DLGAP1: variants seen among roughly 807,000 people sequenced by gnomAD.
The protein encoded by DLGAP1 is DLG associated protein 1.
Under a neutral mutation model 90.8 loss-of-function variants are expected in DLGAP1, and 11 were observed. The ratio of observed to expected loss-of-function variants is 0.12; its 90% CI spans 0.08 to 0.20. The LOEUF is 0.20. Ranked by LOEUF, DLGAP1 falls within the 10% of genes least tolerant of loss-of-function variation. The pLI, the probability that DLGAP1 is intolerant of heterozygous loss-of-function variation, is 1.00. For synonymous variants in DLGAP1, 558 were observed against 540.7 expected (o/e 1.03, Z -0.44); for missense variants, 1,050 against 1,333.8 (o/e 0.79, Z 3.31).
intron 7 of DLGAP1, among the ~76,000 whole-genome samples, chr18:3,684,452 A>C (rs1365879690): frequency 6.7e-6 from 1 of 148,580 alleles, no homozygotes; most frequent in East Asian, 2.0e-4. Context: ...CTCCTGCCTC[A>C]GCCTCCCAAA....
chr18:3,876,438 T>C (rs2071006923), intron 4 of DLGAP1, among the ~76,000 whole-genome samples: 1 of 152,218 alleles, frequency 6.6e-6, no homozygotes, highest in Non-Finnish European at 1.5e-5. Context: ...AGAAGCTTAA[T>C]ACATTCAATA....
intron 1 of DLGAP1, among the ~76,000 whole-genome samples, chr18:4,299,102 A>C (rs77062092): frequency 2.6e-5 from 4 of 151,240 alleles, no homozygotes; most frequent in Non-Finnish European, 5.9e-5. Flanking sequence ...AAAAAAAAAA[A>C]AAAAAAAATA....
intron 7 of DLGAP1, chr18:3,597,156 CTCTG>C (rs4065379): frequency 0.12 from 61,919 of 519,586 alleles, 4,346 homozygotes; most frequent in Admixed American, 0.2. Context: ...TTTTTCTGTA[CTCTG>C]TCTGTTTGCA....
chr18:3,962,851 A>G (rs73940354), intron 3 of DLGAP1, among the ~76,000 whole-genome samples: 287 of 152,288 alleles, frequency 1.9e-3, no homozygotes, highest in African/African-American at 6.5e-3. Flanking sequence ...TATTATGCTT[A>G]TCTGAAAATT....
intron 5 of DLGAP1, among the ~76,000 whole-genome samples, chr18:3,778,209 G>T (rs2065021517): frequency 6.6e-6 from 1 of 152,204 alleles, no homozygotes; most frequent in Non-Finnish European, 1.5e-5. Context: ...GGGAGGCAGA[G>T]GAGGGTGGAT....
chr18:3,831,959 G>GT lies in DLGAP1; in HGVS notation c.958-17687dup, dbSNP rs1301895759. ...AAGTTATCAGTGCAAATGAGAGGTG[G>GT]TAATAGAGACATGTAAGTGACATGG... On this transcript the variant is annotated intron_variant, in intron 4 of 12. Coordinates refer to ENST00000315677, the MANE Select transcript of DLGAP1 (RefSeq NM_004746.4). Among the ~76,000 whole-genome samples, 4 of 152,310 alleles carry GT rather than the reference G, an allele frequency of 2.6e-5. No individual in the cohort carries two copies. In the South Asian group the frequency reaches 6.2e-4, roughly 24 times the overall value.
chr18:3,625,748 T>C lies in DLGAP1; in HGVS notation c.1592-43500A>G, dbSNP rs1320569730. On this transcript the variant is annotated intron_variant, in intron 7 of 12. Transcript: ENST00000315677. Reference sequence around the variant, plus strand: ...TTGTAAAACAGAAAAAAAAAGGAAATCATAAATATCAATTTCATCTTAACA... The same window carrying C: ...TTGTAAAACAGAAAAAAAAAGGAAACCATAAATATCAATTTCATCTTAACA... 1.3e-5 allele frequency among the ~76,000 whole-genome samples: 2 copies of C among 152,040 alleles called. 1 individual carries two copies. Among genetic ancestry groups the C allele is most frequent in the East Asian group, 3.9e-4 (2 of 5,190 alleles).
Position 4,384,527 on chromosome 18 carries a change from T to C in DLGAP1, c.-267+70479A>G, listed in dbSNP as rs148507534. On this transcript the variant is annotated intron_variant, in intron 1 of 12. Coordinates refer to ENST00000315677, the MANE Select transcript of DLGAP1 (RefSeq NM_004746.4). ...TTATTTTTCATCTTTGGAAAACAGG[T>C]TGAACCTTTTAAGAGCAATAGTGTG... Among the ~76,000 whole-genome samples the C allele has an allele frequency of 2.7e-3, 411 of 152,266 alleles. 7 individuals are homozygous for C. Among genetic ancestry groups the C allele is most frequent in the South Asian group, 0.02 (95 of 4,814 alleles).
chr18:3,689,998 C>T (rs1352693760), intron 7 of DLGAP1, among the ~76,000 whole-genome samples: 5 of 132,630 alleles, frequency 3.8e-5, no homozygotes, highest in African/African-American at 1.2e-4. Flanking sequence ...AGCAAGCCTC[C>T]CCCTTGATTC....
intron 1 of DLGAP1, among the ~76,000 whole-genome samples, chr18:4,424,159 A>T (rs2658259): frequency 0.98 from 149,115 of 151,520 alleles, 73,415 homozygotes; most frequent in South Asian, 1. Flanking sequence ...TTAAAAAAAA[A>T]TTTTTTTAAC....
chr18:4,243,924 T>A (rs1005705096), intron 1 of DLGAP1, among the ~76,000 whole-genome samples: 1 of 152,170 alleles, frequency 6.6e-6, no homozygotes, highest in African/African-American at 2.4e-5. Context: ...CTTTGAAAAT[T>A]CAAATTGTTC....
chr18:4,433,498 T>C (rs2083334436), intron 1 of DLGAP1, among the ~76,000 whole-genome samples: 1 of 152,226 alleles, frequency 6.6e-6, no homozygotes, highest in Non-Finnish European at 1.5e-5. Flanking sequence ...GTCCATACAC[T>C]GATGGATACA....
At chr18:3,951,505 G>A (rs748730826) in intron 3 of DLGAP1, among the ~76,000 whole-genome samples, 18 of 152,158 alleles carry the variant, frequency 1.2e-4, no homozygotes, top group Admixed American at 6.6e-5. Context: ...CAGCTCTTCA[G>A]CTGAATTTAA....
intron 3 of DLGAP1, among the ~76,000 whole-genome samples, chr18:3,969,152 T>C (rs1293106618): frequency 6.6e-6 from 1 of 152,206 alleles, no homozygotes; most frequent in African/African-American, 2.4e-5. Context: ...AAGGAAAAAT[T>C]TGAAGATTGA....
intron 3 of DLGAP1, among the ~76,000 whole-genome samples, chr18:3,897,862 T>G (rs2148873199): frequency 7.2e-6 from 1 of 139,236 alleles, no homozygotes; most frequent in East Asian, 2.4e-4. Flanking sequence ...TGGCGCAATC[T>G]CGGCTCACTG....
chr18:4,386,988 G>A (rs2082241325), intron 1 of DLGAP1, among the ~76,000 whole-genome samples: 1 of 152,162 alleles, frequency 6.6e-6, no homozygotes, highest in South Asian at 2.1e-4. Context: ...ATAAGTAAGA[G>A]TAAACTACCT....
chr18:3,659,003 T>C (rs551117245), intron 7 of DLGAP1, among the ~76,000 whole-genome samples: 2 of 152,326 alleles, frequency 1.3e-5, no homozygotes, highest in African/African-American at 4.8e-5. Flanking sequence ...TCTGTAATTA[T>C]CAACATTGTT....
intron 2 of DLGAP1, among the ~76,000 whole-genome samples, chr18:4,006,959 C>G (rs1262894336): frequency 1.3e-5 from 2 of 152,040 alleles, no homozygotes; most frequent in Admixed American, 6.5e-5. Flanking sequence ...CTTCATGGAA[C>G]AATGCAGTGT....
chr18:4,408,583 G>T (rs985224945), intron 1 of DLGAP1, among the ~76,000 whole-genome samples: 2 of 151,786 alleles, frequency 1.3e-5, no homozygotes, highest in Non-Finnish European at 2.9e-5. Flanking sequence ...TGGCATTTGG[G>T]ACAGCAAAAG....
Sources: gnomAD v4.1 joint callset for allele counts (sites outside exome capture counted in the v4.1 genomes callset) on GRCh38, gnomAD v4.1.1 for gene constraint, MANE v1.5 for transcripts, NCBI Gene and HGNC (gene_info 2026-07-23, HGNC 2026-07-21) for gene names.